BAZ1B: variants seen among roughly 807,000 people sequenced by gnomAD.
BAZ1B encodes the protein tyrosine-protein kinase BAZ1B.
In BAZ1B, 22 loss-of-function variants were observed where a neutral mutation model predicts 153.8. The observed-to-expected ratio is 0.14, with a 90% CI of 0.10 to 0.20. The LOEUF is 0.20. Among genes scored for constraint, BAZ1B ranks in the 10% least tolerant of loss-of-function variants. The pLI is 1.00. For missense variants in BAZ1B, 1,325 were observed against 1,799.3 expected, an observed-to-expected ratio of 0.74 and a Z score of 4.77; for synonymous variants, 676 against 633.4, an observed-to-expected ratio of 1.07 and a Z score of -1.01.
rs1340854815 is a variant in BAZ1B at position 73,450,500 on chromosome 7, T to C, written c.3580+347A>G. 1.3e-5 allele frequency among the ~76,000 whole-genome samples: 2 copies of C among 152,214 alleles called. No homozygotes were observed. The highest frequency in any genetic ancestry group is 2.4e-5 in the African/African-American group (1 of 41,462). The stretch of plus-strand genomic sequence containing the variant: ...CGGACTGCCTCCTGCTGAAAGCACA[T>C]ATCTTACTTCACAGATGACTAAAGT... On this transcript the variant is annotated intron_variant, in intron 14 of 19. Transcript: ENST00000339594. This position sits in a 1 kb window ranked among gnomAD's most constrained non-coding sequence, Gnocchi z 4.1.
intron 7 of BAZ1B, among the ~76,000 whole-genome samples, chr7:73,471,084 C>G (rs1788787437): frequency 6.6e-6 from 1 of 152,204 alleles, no homozygotes; most frequent in Non-Finnish European, 1.5e-5. Flanking sequence ...AAACAGTTAA[C>G]AGTCCATAAA....
Position 73,440,704 on chromosome 7 carries a change from C to A in BAZ1B, c.*1005G>T, listed in dbSNP as rs1787579905. ...CAGCCCTGGAGCAATCCTCGTCGTC[C>A]TTGGGCAGGAGGACGGAGGAAGCAG... On this transcript the variant is annotated 3_prime_UTR_variant, in exon 20 of 20. Coordinates refer to ENST00000339594, the MANE Select transcript of BAZ1B (RefSeq NM_032408.4). 1 of 152,406 alleles carries A rather than the reference C, an allele frequency of 6.6e-6. No individual in the cohort carries two copies. Among genetic ancestry groups the A allele is most frequent in the Non-Finnish European group, 1.5e-5 (1 of 68,034 alleles). The allele number at this position is 152,406 out of a possible 1,614,324, so 9.4% of individuals were successfully genotyped here. A position where few individuals can be genotyped will look rare whatever the true frequency, so the allele number is the denominator to read the frequency against.
chr7:73,499,287 C>A (rs1476551948), intron 3 of BAZ1B, among the ~76,000 whole-genome samples: 1 of 152,098 alleles, frequency 6.6e-6, no homozygotes. Context: ...CTCAGCCTCC[C>A]AAAGGGCTGG....
chr7:73,478,779 A>G, intron 6 of BAZ1B, among the ~76,000 whole-genome samples: 1 of 152,204 alleles, frequency 6.6e-6, no homozygotes, highest in East Asian at 1.9e-4. Flanking sequence ...TGACATCCAG[A>G]CTTAATACTA....
At chr7:73,455,592 C>G (rs1788165731) in intron 13 of BAZ1B, among the ~76,000 whole-genome samples, 1 of 152,038 alleles carries the variant, frequency 6.6e-6, no homozygotes, top group Admixed American at 6.6e-5. Context: ...GACCAGCCGG[C>G]CAACACAGCA....
At position 73,458,973 on chromosome 7, in the gene BAZ1B, G is replaced by A. The variant is rs112155838; in HGVS notation, c.3432+563C>T. On this transcript the variant is annotated intron_variant, in intron 13 of 19. Transcript: ENST00000339594. ...AAAAGAAAGTAAACTGGTAGACCAG[G>A]AGTGGTGGCTCACGCCTGTAATCCC... Among the ~76,000 whole-genome samples, 699 of 152,270 alleles carry A rather than the reference G, an allele frequency of 4.6e-3. 3 individuals carry two copies. Among genetic ancestry groups the A allele is most frequent in the African/African-American group, 0.016 (664 of 41,540 alleles).
chr7:73,502,927 T>C (rs1554577330), intron 3 of BAZ1B, among the ~76,000 whole-genome samples: 1 of 152,252 alleles, frequency 6.6e-6, no homozygotes, highest in African/African-American at 2.4e-5. Flanking sequence ...GTAATCATAC[T>C]GTATTCTTCT....
intron 3 of BAZ1B, among the ~76,000 whole-genome samples, chr7:73,500,044 G>T (rs775178050): frequency 6.6e-5 from 10 of 151,950 alleles, no homozygotes; most frequent in Non-Finnish European, 1.3e-4. Flanking sequence ...GAACTTCTGG[G>T]CTCAAGCAAT....
At chr7:73,508,857 T>C (rs937568516) in intron 2 of BAZ1B, among the ~76,000 whole-genome samples, 14 of 151,328 alleles carry the variant, frequency 9.3e-5, no homozygotes, top group African/African-American at 3.2e-4. Context: ...ACTAAAAATA[T>C]AAAAAATTAG....
intron 3 of BAZ1B, among the ~76,000 whole-genome samples, chr7:73,507,509 C>T (rs1418656556): frequency 2.0e-5 from 3 of 152,032 alleles, no homozygotes; most frequent in Admixed American, 6.6e-5. Context: ...GATCGCGAAA[C>T]TGCACTATTC....
At chr7:73,504,651 G>A (rs557268708) in intron 3 of BAZ1B, among the ~76,000 whole-genome samples, 3 of 151,788 alleles carry the variant, frequency 2.0e-5, no homozygotes, top group Non-Finnish European at 2.9e-5. Flanking sequence ...GCGACAGAGC[G>A]AGACTCTGTC....
chr7:73,504,490 C>T (rs1790255203), intron 3 of BAZ1B, among the ~76,000 whole-genome samples: 1 of 152,016 alleles, frequency 6.6e-6, no homozygotes, highest in Admixed American at 6.6e-5. Context: ...GGTGAAACCC[C>T]GTCCCTACTA....
At chr7:73,498,723 TC>T (rs1790013114) in intron 3 of BAZ1B, 25 bp from the exon 4 acceptor site, 1 of 1,603,804 alleles carries the variant, frequency 6.2e-7, no homozygotes, top group African/African-American at 1.3e-5. Context: ...GTAGAGAAAA[TC>T]AGAGATAATA....
At chr7:73,462,877 T>A in intron 12 of BAZ1B, 45 bp downstream of exon 12, 3 of 1,591,072 alleles carry the variant, frequency 1.9e-6, no homozygotes, top group Non-Finnish European at 2.6e-6. Context: ...AACTTCAGAT[T>A]GAGTTGCCAT....
At position 73,476,788 on chromosome 7, in the gene BAZ1B, C is replaced by T. The variant is rs1400061171; in HGVS notation, c.2593+80G>A. 3.6e-5 allele frequency: 55 copies of T among 1,518,728 alleles called. No homozygotes were observed. The Admixed American group carries it at 1.0e-3, about 28-fold the overall frequency. The allele number at this position is 1,518,728 out of a possible 1,614,324, so 94.1% of individuals were successfully genotyped here. A position where few individuals can be genotyped will look rare whatever the true frequency, so the allele number is the denominator to read the frequency against. ...ACAGAAATAAGTAAACAAACAGAGA[C>T]CCTACCATTACCTCAGTAATTTCCT... On this transcript the variant is annotated intron_variant, in intron 7 of 19. Coordinates refer to ENST00000339594, the MANE Select transcript of BAZ1B (RefSeq NM_032408.4).
chr7:73,512,442 C>T (rs562923878), intron 1 of BAZ1B, among the ~76,000 whole-genome samples: 8 of 151,986 alleles, frequency 5.3e-5, no homozygotes, highest in Non-Finnish European at 7.4e-5. Context: ...AGAAGTATTC[C>T]GGAAAGTACT....
rs191841677 is a variant in BAZ1B at position 73,512,246 on chromosome 7, C to G, written c.108-1394G>C. Among the ~76,000 whole-genome samples the G allele has an allele frequency of 1.7e-4, 26 of 151,740 alleles. No homozygotes were observed. The East Asian group carries it at 4.6e-3, about 27-fold the overall frequency. On this transcript the variant is annotated intron_variant, in intron 1 of 19. Transcript: ENST00000339594. ...CTGCGGCCCAGGACGGCTTTGAACA[C>G]AGCCCAACACAAGTTCATAAAGTTT... is the stretch of plus-strand genomic sequence containing the variant.
chr7:73,477,991 G>C lies in BAZ1B; in HGVS notation c.1470C>G (p.Asp490Glu). 1 of 1,614,076 alleles carries C rather than the reference G, an allele frequency of 6.2e-7. No homozygotes were observed. Among genetic ancestry groups the C allele is most frequent in the Non-Finnish European group, 8.5e-7 (1 of 1,180,022 alleles). The change falls in exon 7 of 20, where the codon GAC becomes GAG. Residue 490 changes from aspartate to glutamate, a missense_variant. Physicochemically the swap from Asp to Glu is conservative, Grantham distance 45 (BLOSUM62 2). Coordinates refer to ENST00000339594, the MANE Select transcript of BAZ1B (RefSeq NM_032408.4). This position sits in a 1 kb window ranked among gnomAD's most constrained non-coding sequence, Gnocchi z 5.6. Reference sequence around the variant, plus strand: ...TAACACAGGACAGGGCGCTCCTCTTGTCCTCCCTGTCTTTGTTTTCTTTGT... The same window carrying C: ...TAACACAGGACAGGGCGCTCCTCTTCTCCTCCCTGTCTTTGTTTTCTTTGT... ...AYYKENKDRE[D>E]KRSALSCVIS... is the part of the protein sequence containing the mutation.
intron 1 of BAZ1B, among the ~76,000 whole-genome samples, chr7:73,517,044 G>C (rs979415362): frequency 6.6e-6 from 1 of 151,166 alleles, no homozygotes; most frequent in African/African-American, 2.4e-5. Context: ...TTAGCCAGGC[G>C]TGGTGGTGGG....
Sources: allele counts gnomAD v4.1 joint callset (sites outside exome capture counted in the v4.1 genomes callset), GRCh38; gene constraint gnomAD v4.1.1; non-coding constraint Gnocchi (gnomAD v3.1); transcripts MANE v1.5; gene names NCBI Gene and HGNC (gene_info 2026-07-23, HGNC 2026-07-21).